SCN11A: variants seen among roughly 807,000 people sequenced by gnomAD.
The protein encoded by SCN11A is sodium channel protein type 11 subunit alpha.
A neutral mutation model predicts 162.2 loss-of-function variants in SCN11A; 122 were observed. That is an observed-to-expected ratio of 0.75 (90% CI 0.65 to 0.87). The LOEUF is 0.87. Ranked by LOEUF, SCN11A falls within the 40% of genes least tolerant of loss-of-function variation. The probability of loss-of-function intolerance (pLI) is 0.00; values close to 1 mark genes in which losing one functional copy is unlikely to be tolerated. For synonymous variants in SCN11A, 758 were observed against 751.5 expected (o/e 1.01, Z -0.14); for missense variants, 2,015 against 2,181.6 (o/e 0.92, Z 1.52).
At chr3:39,043,200 C>T (rs1397612720) in intron 1 of SCN11A, among the ~76,000 whole-genome samples, 1 of 151,890 alleles carries the variant, frequency 6.6e-6, no homozygotes, top group Non-Finnish European at 1.5e-5. Flanking sequence ...AAAGGAGAAC[C>T]CTCGTATACT....
intron 11 of SCN11A, 109 bp downstream of exon 11, chr3:38,919,826 T>G: frequency 1.3e-6 from 1 of 780,042 alleles, no homozygotes; most frequent in Non-Finnish European, 2.2e-6. Context: ...AATAATTATG[T>G]GAGAACTATC....
Position 38,999,312 on chromosome 3 carries a change from T to C in SCN11A, c.-280+33068A>G, listed in dbSNP as rs568285993. 2.0e-5 allele frequency among the ~76,000 whole-genome samples: 3 copies of C among 152,326 alleles called. No individual in the cohort carries two copies. The South Asian group carries it at 6.2e-4, about 32-fold the overall frequency. ...ACAGGAAGTTGAATCAAGACTCATT[T>C]TGGTGTGCTTTTTTTCTAAAAAACA... On this transcript the variant is annotated intron_variant, in intron 2 of 29. Coordinates refer to ENST00000302328, the MANE Select transcript of SCN11A (RefSeq NM_001349253.2).
chr3:39,008,835 T>C (rs549418409), intron 2 of SCN11A, among the ~76,000 whole-genome samples: 2 of 151,240 alleles, frequency 1.3e-5, no homozygotes, highest in African/African-American at 2.4e-5. Context: ...TGAGCCAAGA[T>C]TGTACCATTG....
intron 22 of SCN11A, among the ~76,000 whole-genome samples, chr3:38,881,422 T>C (rs974721985): frequency 2.0e-5 from 3 of 152,156 alleles, no homozygotes; most frequent in African/African-American, 7.2e-5. Flanking sequence ...CCTCCCTTAT[T>C]TGGGAAGCTT....
At chr3:38,895,661 G>A (rs967475271) in intron 18 of SCN11A, among the ~76,000 whole-genome samples, 1 of 152,178 alleles carries the variant, frequency 6.6e-6, no homozygotes, top group African/African-American at 2.4e-5. Context: ...GAAGTGCCTG[G>A]TGGGTGTAAA....
chr3:38,864,795 C>A (rs2065016753), intron 27 of SCN11A, among the ~76,000 whole-genome samples: 1 of 152,026 alleles, frequency 6.6e-6, no homozygotes, highest in Non-Finnish European at 1.5e-5. Context: ...TTTCAGAGAA[C>A]AAGAAAGTTG....
rs2065401465 is a variant in SCN11A at position 38,886,361 on chromosome 3, C to CT, written c.2836-124dup. ...AGAATAAGCCTTTGACATTATTACT[C>CT]TTTTTTCTCTTTAGAAACTGCTCCT... is the stretch of plus-strand genomic sequence containing the variant. On this transcript the variant is annotated intron_variant, in intron 19 of 29. Transcript: ENST00000302328. 13 of 536,178 alleles carry CT rather than the reference C, an allele frequency of 2.4e-5. No individual in the cohort carries two copies. The South Asian group carries it at 4.8e-4, about 20-fold the overall frequency. 33.2% of individuals were successfully genotyped at this position (536,178 alleles called of 1,614,324 possible).
In SCN11A at chr3:38,896,853, T is replaced by C. The variant is rs914965285; in HGVS notation, c.2395A>G (p.Lys799Glu). The change falls in exon 18 of 30, where the codon AAA (lysine) becomes GAA (glutamate). Residue 799 changes from lysine (K) to glutamate (E), a missense_variant. Transcript: ENST00000302328. Reference sequence around the variant, plus strand: ...AAATCTAAGACACATACCACAAGTTTTCCTATCACCGTGATCAATATGAAG... The same window carrying C: ...AAATCTAAGACACATACCACAAGTTCTCCTATCACCGTGATCAATATGAAG... ...IVFILITVIG[K>E]LVVLNLFIAL... The C allele has an allele frequency of 2.6e-6, 4 of 1,544,508 alleles. No individual in the cohort carries two copies. Among genetic ancestry groups the C allele is most frequent in the Non-Finnish European group, 3.5e-6 (4 of 1,143,790 alleles).
At position 38,856,289 on chromosome 3, in the gene SCN11A, A is replaced by T. The variant is rs140553903; in HGVS notation, c.4057-5538T>A. Among the ~76,000 whole-genome samples the T allele has an allele frequency of 4.7e-3, 721 of 152,276 alleles. 2 individuals carry two copies. The highest frequency in any genetic ancestry group is 6.8e-3 in the Middle Eastern group (2 of 294). On this transcript the variant is annotated intron_variant, in intron 28 of 29. Transcript: ENST00000302328. The stretch of plus-strand genomic sequence containing the variant: ...GAACACAGTATGGAGGCATCTATAG[A>T]CAGCCTGTCTGGAACAATCCAGGGT...
intron 2 of SCN11A, among the ~76,000 whole-genome samples, chr3:38,994,090 C>T (rs749999349): frequency 3.3e-5 from 5 of 152,178 alleles, no homozygotes; most frequent in Non-Finnish European, 7.3e-5. Context: ...TTCCTGGGAT[C>T]GCTCCCCAAA....
chr3:38,964,412 C>T (rs2066768576), intron 2 of SCN11A, among the ~76,000 whole-genome samples: 1 of 152,182 alleles, frequency 6.6e-6, no homozygotes. Context: ...AACATTAAAA[C>T]AAGACCTTAG....
Position 39,051,904 on chromosome 3 carries a change from G to A in SCN11A, c.-447C>T, listed in dbSNP as rs1240653054. ...GCCACACAGCAACTAACAGCACCGAGGAAACACAACAGCCTGTTTACCTTC... is the reference window on the plus strand; with the variant it reads ...GCCACACAGCAACTAACAGCACCGAAGAAACACAACAGCCTGTTTACCTTC... On this transcript the variant is annotated 5_prime_UTR_variant, in exon 1 of 30. Transcript: ENST00000302328. The A allele has an allele frequency of 4.8e-6, 6 of 1,239,852 alleles. No homozygotes were observed. Among genetic ancestry groups the A allele is most frequent in the Non-Finnish European group, 6.9e-6 (6 of 863,934 alleles). The allele number at this position is 1,239,852 out of a possible 1,614,324, so 76.8% of individuals were successfully genotyped here.
intron 2 of SCN11A, among the ~76,000 whole-genome samples, chr3:38,993,134 T>A (rs2030505067): frequency 6.6e-6 from 1 of 152,194 alleles, no homozygotes; most frequent in Non-Finnish European, 1.5e-5. Flanking sequence ...ACCGTGATTG[T>A]TTGAGATGAC....
At chr3:38,864,876 A>G (rs150715007) in intron 27 of SCN11A, among the ~76,000 whole-genome samples, 66 of 152,330 alleles carry the variant, frequency 4.3e-4, no homozygotes, top group African/African-American at 1.4e-3. Flanking sequence ...CAACAGAAAC[A>G]AATAAGCAAA....
At position 38,851,391 on chromosome 3, in the gene SCN11A, C is replaced by T. The variant is rs116667773; in HGVS notation, c.4057-640G>A. On this transcript the variant is annotated intron_variant, in intron 28 of 29. Transcript: ENST00000302328. Reference sequence around the variant, plus strand: ...AAAAAATGATTAATTTATACTATAACTGAGGGTGAATTTACATGTGGTTTA... The same window carrying T: ...AAAAAATGATTAATTTATACTATAATTGAGGGTGAATTTACATGTGGTTTA... Among the ~76,000 whole-genome samples the T allele has an allele frequency of 5.2e-3, 797 of 152,232 alleles. 5 individuals carry two copies. The highest frequency in any genetic ancestry group is 0.018 in the African/African-American group (762 of 41,544).
At chr3:38,848,427 C>T (rs1436938710) in intron 29 of SCN11A, among the ~76,000 whole-genome samples, 3 of 151,934 alleles carry the variant, frequency 2.0e-5, no homozygotes, top group Non-Finnish European at 2.9e-5. Flanking sequence ...TGCCCATGAC[C>T]CCTAATGACC....
intron 11 of SCN11A, 39 bp from the exon 12 acceptor site, chr3:38,910,246 C>A: frequency 6.3e-7 from 1 of 1,590,298 alleles, no homozygotes; most frequent in Non-Finnish European, 8.6e-7. Context: ...ATTATGTACG[C>A]CACAGCCAAG....
In SCN11A at chr3:38,985,953, A is replaced by G. The variant is rs545986011; in HGVS notation, c.-279-25530T>C. 2.7e-5 allele frequency among the ~76,000 whole-genome samples: 4 copies of G among 150,878 alleles called. No individual in the cohort carries two copies. The South Asian group carries it at 6.2e-4, about 23-fold the overall frequency. On this transcript the variant is annotated intron_variant, in intron 2 of 29. Transcript: ENST00000302328. ...AAAGGGTCTGCTTTGCAGGTGGCTCACTCATGAGGCAAGGTTGTACTGGCC... is the reference window on the plus strand; with the variant it reads ...AAAGGGTCTGCTTTGCAGGTGGCTCGCTCATGAGGCAAGGTTGTACTGGCC...
intron 28 of SCN11A, among the ~76,000 whole-genome samples, chr3:38,853,778 T>A (rs867356800): frequency 1.3e-5 from 2 of 152,194 alleles, no homozygotes; most frequent in Middle Eastern, 3.2e-3. Context: ...CCCTGACTTT[T>A]CAGCCTCCAC....
Sources: allele counts gnomAD v4.1 joint callset (sites outside exome capture counted in the v4.1 genomes callset), GRCh38; gene constraint gnomAD v4.1.1; transcripts MANE v1.5; gene names NCBI Gene and HGNC (gene_info 2026-07-23, HGNC 2026-07-21).